Variants in RNF213 observed in about 807,000 individuals in gnomAD.
The protein encoded by RNF213 is ring finger protein 213.
RNF213 carries 341 observed loss-of-function variants against 514.4 expected under a neutral mutation model. That is an observed-to-expected ratio of 0.66 (90% confidence interval 0.61 to 0.73). The LOEUF (loss-of-function observed/expected upper bound fraction) is 0.73, where lower values mean the gene tolerates loss of function less well. Ranked by LOEUF, RNF213 falls within the 30% of genes least tolerant of loss-of-function variation. RNF213 has a pLI of 0.00. For synonymous variants in RNF213, 2,655 were observed against 2,658.2 expected (o/e 1.00, Z 0.04); for missense variants, 5,767 against 6,615.6 (o/e 0.87, Z 4.45).
intron 20 of RNF213, 70 bp from the exon 21 acceptor site, chr17:80,331,936 T>C (rs2143970751): frequency 6.8e-7 from 1 of 1,480,518 alleles, no homozygotes; most frequent in Non-Finnish European, 9.0e-7. Context: ...GAGAAAGTCT[T>C]AGGAAAGTGA....
At position 80,349,912 on chromosome 17, in the gene RNF213, G is replaced by T; in HGVS notation, c.10088+6G>T. On this transcript the variant is annotated splice_donor_region_variant and intron_variant, in intron 30 of 67. Coordinates refer to ENST00000582970, the MANE Select transcript of RNF213 (RefSeq NM_001256071.3). ...TCATTCCTCAAAGAAGTCCGGTGAG[G>T]TTCCCTGCCTTCCCTGCTGCCCTCT... 6.2e-7 allele frequency: 1 copy of T among 1,612,950 alleles called. No individual in the cohort carries two copies. Among genetic ancestry groups the T allele is most frequent in the Non-Finnish European group, 8.5e-7 (1 of 1,179,844 alleles).
chr17:80,308,719 T>C (rs1169475351), intron 13 of RNF213, among the ~76,000 whole-genome samples: 1 of 152,250 alleles, frequency 6.6e-6, no homozygotes, highest in East Asian at 1.9e-4. Context: ...CATATTTTAA[T>C]GTCTAGTAAT....
In RNF213 at chr17:80,348,266, C is replaced by A. The variant is rs971003801; in HGVS notation, c.9931C>A (p.Arg3311Ser). Residue 3311 changes from arginine to serine, a missense_variant, in exon 29 of 68, where the codon CGC becomes AGC. Arg to Ser is a moderately radical substitution (Grantham distance 110). Transcript: ENST00000582970. Reference sequence around the variant, plus strand: ...ACACCTGCACACGGCAGACCTGGAGCGCCACGCCATCTTCACAGAGGTGAT... The same window carrying A: ...ACACCTGCACACGGCAGACCTGGAGAGCCACGCCATCTTCACAGAGGTGAT... The part of the protein sequence containing the change: ...QAHLHTADLE[R>S]HAIFTEITTF... The A allele has an allele frequency of 2.5e-6, 4 of 1,613,264 alleles. No individual in the cohort carries two copies. The highest frequency in any genetic ancestry group is 2.7e-5 in the African/African-American group (2 of 74,940).
chr17:80,280,842 AT>A (rs1285390266), intron 3 of RNF213, among the ~76,000 whole-genome samples: 1 of 152,056 alleles, frequency 6.6e-6, no homozygotes, highest in East Asian at 1.9e-4. Context: ...TGGATGGGAG[AT>A]TTATAGTAAA....
chr17:80,373,245 TCA>T lies in RNF213; in HGVS notation c.12942+84_12942+85del. On this transcript the variant is annotated intron_variant, in intron 49 of 67. Transcript: ENST00000582970. ...CCCAAACCCACACACCCCCCTACCCTCACACCCTACCCCCCCCACACCCCACC... is the reference window on the plus strand; with the variant it reads ...CCCAAACCCACACACCCCCCTACCCTCACCCTACCCCCCCCACACCCCACC... 4.8e-6 allele frequency: 5 copies of T among 1,042,596 alleles called. No homozygotes were observed. The South Asian group carries it at 7.1e-5, about 15-fold the overall frequency. 64.6% of individuals were successfully genotyped at this position (1,042,596 alleles called of 1,614,324 possible).
Position 80,344,670 on chromosome 17 carries a change from C to G in RNF213, c.6343-8C>G. On this transcript the variant is annotated splice_polypyrimidine_tract_variant and splice_region_variant and intron_variant, in intron 28 of 67. Coordinates refer to ENST00000582970, the MANE Select transcript of RNF213 (RefSeq NM_001256071.3). The stretch of plus-strand genomic sequence containing the variant: ...TGTAACCATTTCATTAATGTCTCTC[C>G]TTTCCAGCGTACACGTGTACCCCAG... 1 of 1,614,030 alleles carries G rather than the reference C, an allele frequency of 6.2e-7. No individual in the cohort carries two copies. The highest frequency in any genetic ancestry group is 8.5e-7 in the Non-Finnish European group (1 of 1,179,972).
At position 80,317,862 on chromosome 17, in the gene RNF213, G is replaced by A. The variant is rs187960957; in HGVS notation, c.2901+585G>A. ...CAGCCTCTTTTAGGTACCCACACTC[G>A]GTGGGTCCCAAGCTCTTGTCCAGCA... On this transcript the variant is annotated intron_variant, in intron 16 of 67. Transcript: ENST00000582970. The surrounding 1 kb of genome is among the most constrained non-coding windows in gnomAD (Gnocchi z 4.1). Among the ~76,000 whole-genome samples, 156 of 152,254 alleles carry A rather than the reference G, an allele frequency of 1.0e-3. 2 individuals are homozygous for A. Among genetic ancestry groups the A allele is most frequent in the African/African-American group, 3.6e-3 (151 of 41,550 alleles).
At chr17:80,337,233 A>G (rs553257981) in intron 23 of RNF213, among the ~76,000 whole-genome samples, 1 of 152,320 alleles carries the variant, frequency 6.6e-6, no homozygotes, top group Admixed American at 6.5e-5. Flanking sequence ...GGTTCTCTGC[A>G]TTGGGGACCT....
At chr17:80,358,816 G>A (rs2078930820) in intron 37 of RNF213, among the ~76,000 whole-genome samples, 1 of 152,202 alleles carries the variant, frequency 6.6e-6, no homozygotes, top group Admixed American at 6.5e-5. Flanking sequence ...GGCTGAGGCA[G>A]GAGAATTGCT....
intron 63 of RNF213, among the ~76,000 whole-genome samples, chr17:80,388,314 A>T (rs767065206): frequency 2.6e-5 from 4 of 152,214 alleles, no homozygotes; most frequent in Non-Finnish European, 5.9e-5. Context: ...TGAATGAATA[A>T]ATGAATGGGA....
In RNF213 at chr17:80,353,452, G is replaced by T; in HGVS notation, c.10424-60G>T. 6.5e-7 allele frequency: 1 copy of T among 1,549,904 alleles called. No individual in the cohort carries two copies. The highest frequency in any genetic ancestry group is 8.8e-7 in the Non-Finnish European group (1 of 1,142,842). ...AGCACACAGACTCCCAGATGGCACC[G>T]CTGCCAGTCCCTGTGCCACCTTCTG... On this transcript the variant is annotated intron_variant, in intron 33 of 67. Transcript: ENST00000582970. This position sits in a 1 kb window ranked among gnomAD's most constrained non-coding sequence, Gnocchi z 5.0.
Position 80,361,834 on chromosome 17 carries a change from C to T in RNF213, c.11301C>T (p.Tyr3767=). Residue 3767 remains tyrosine (Y), a synonymous_variant, in exon 39 of 68, where the codon TAC becomes TAT. Coordinates refer to ENST00000582970, the MANE Select transcript of RNF213 (RefSeq NM_001256071.3). ...CGCAGCAGGAACTTCTTCAGTGTTACTTGAAGGATTTCATTCTCTTGACCA... is the reference window on the plus strand; with the variant it reads ...CGCAGCAGGAACTTCTTCAGTGTTATTTGAAGGATTTCATTCTCTTGACCA... The part of the protein sequence containing the change: ...GEPQQELLQC[Y]LKDFILLTMR... 1.2e-6 allele frequency: 2 copies of T among 1,613,890 alleles called. No homozygotes were observed. Among genetic ancestry groups the T allele is most frequent in the Non-Finnish European group, 1.7e-6 (2 of 1,179,808 alleles).
In RNF213 at chr17:80,288,391, G is replaced by A. The variant is rs114066464; in HGVS notation, c.810+28G>A. ...GAGTCATCCGGGAGAGATGGCCTGG[G>A]AGTGGCACTGAGCCCTCGGCACCTG... On this transcript the variant is annotated intron_variant, in intron 4 of 67. Transcript: ENST00000582970. The surrounding 1 kb of genome is among the most constrained non-coding windows in gnomAD (Gnocchi z 4.9). 1,410 of 1,609,956 alleles carry A rather than the reference G, an allele frequency of 8.8e-4. 12 individuals are homozygous for A. In the African/African-American group the frequency reaches 0.017, roughly 19 times the overall value.
At chr17:80,391,462 G>A (rs548057300) in intron 67 of RNF213, among the ~76,000 whole-genome samples, 9 of 152,114 alleles carry the variant, frequency 5.9e-5, no homozygotes, top group East Asian at 3.9e-4. Flanking sequence ...GTACAGAGAC[G>A]GGGTTTCTCC....
chr17:80,383,252 T>C (rs2080096027), intron 58 of RNF213, among the ~76,000 whole-genome samples, 182 bp downstream of exon 58: 3 of 152,154 alleles, frequency 2.0e-5, no homozygotes, highest in Admixed American at 2.0e-4. Flanking sequence ...CCCCAAGTGC[T>C]CTTCCCTCCT....
Position 80,347,338 on chromosome 17 carries a change from C to A in RNF213, c.9003C>A (p.Ala3001=). 1 of 1,613,988 alleles carries A rather than the reference C, an allele frequency of 6.2e-7. No individual in the cohort carries two copies. The highest frequency in any genetic ancestry group is 1.3e-5 in the African/African-American group (1 of 75,052). ...DDIQALDIFL[A]NLPEAKCSEE... ...TCCAAGCTTTGGACATCTTTCTGGC[C>A]AATTTGCCCGAGGCCAAGTGCTCAG... is the stretch of plus-strand genomic sequence containing the variant. Residue 3001 remains alanine, a synonymous_variant, in exon 29 of 68, where the codon GCC becomes GCA. Coordinates refer to ENST00000582970, the MANE Select transcript of RNF213 (RefSeq NM_001256071.3). This position sits in a 1 kb window ranked among gnomAD's most constrained non-coding sequence, Gnocchi z 7.2.
Position 80,337,580 on chromosome 17 carries a change from C to G in RNF213, c.4528-6C>G. 1 of 1,537,252 alleles carries G rather than the reference C, an allele frequency of 6.5e-7. No individual in the cohort carries two copies. The highest frequency in any genetic ancestry group is 1.2e-5 in the South Asian group (1 of 84,068). The stretch of plus-strand genomic sequence containing the variant: ...TGGCCCGTGTTCTCTCCTTTTGTCC[C>G]CATAGTGTGACTCCGCCAGGAACTT... On this transcript the variant is annotated splice_region_variant and splice_polypyrimidine_tract_variant and intron_variant, in intron 23 of 67. Transcript: ENST00000582970.
intron 3 of RNF213, among the ~76,000 whole-genome samples, chr17:80,285,283 G>A (rs1001789971): frequency 6.6e-6 from 1 of 152,204 alleles, no homozygotes; most frequent in Non-Finnish European, 1.5e-5. Flanking sequence ...GACCCACCTG[G>A]GGTTGCCCAG....
intron 56 of RNF213, 125 bp from the exon 57 acceptor site, chr17:80,381,422 T>C: frequency 9.8e-7 from 1 of 1,024,930 alleles, no homozygotes; most frequent in South Asian, 1.3e-5. Context: ...CACTCCGCCG[T>C]TTTCATCTTA....
Sources: gnomAD v4.1 joint callset for allele counts (sites outside exome capture counted in the v4.1 genomes callset) on GRCh38, gnomAD v4.1.1 for gene constraint, Gnocchi (gnomAD v3.1) non-coding constraint, MANE v1.5 for transcripts, NCBI Gene and HGNC (gene_info 2026-07-23, HGNC 2026-07-21) for gene names.